The following SLITRK4 variants were observed in gnomAD, a reference collection of about 807,000 sequenced individuals.
SLITRK4 encodes SLIT and NTRK like family member 4.
Under a neutral mutation model 34.7 loss-of-function variants are expected in SLITRK4, and 7 were observed. That is an observed-to-expected ratio of 0.20 (90% CI 0.11 to 0.38). SLITRK4 has a LOEUF of 0.38. Among genes scored for constraint, SLITRK4 ranks in the 10% least tolerant of loss-of-function variants. The pLI, the probability that SLITRK4 is intolerant of heterozygous loss-of-function variation, is 1.00. For missense variants in SLITRK4, 474 were observed against 607.0 expected (o/e 0.78, Z 2.30); for synonymous variants, 237 against 246.2 (o/e 0.96, Z 0.35).
rs1056178713 is a variant in SLITRK4 at position 143,625,561 on chromosome X, A to C, written c.*3034T>G. ...GTGTCAGCCCACATTAGAAATGAGCACTTCTTGGATTTTATAGGTTTGCAT... is the reference window on the plus strand; with the variant it reads ...GTGTCAGCCCACATTAGAAATGAGCCCTTCTTGGATTTTATAGGTTTGCAT... On this transcript the variant is annotated 3_prime_UTR_variant, in exon 2 of 2. Coordinates refer to ENST00000356928, the MANE Select transcript of SLITRK4 (RefSeq NM_001184749.3). The C allele has an allele frequency of 2.7e-5, 3 of 111,469 alleles. No homozygotes were observed. Among genetic ancestry groups the C allele is most frequent in the Non-Finnish European group, 5.7e-5 (3 of 52,829 alleles). The allele number at this position is 111,469 out of a possible 1,213,427, so 9.2% of individuals were successfully genotyped here. A position where few individuals can be genotyped will look rare whatever the true frequency, so the allele number is the denominator to read the frequency against.
In SLITRK4 at chrX:143,630,292, G is replaced by T; in HGVS notation, c.817C>A (p.Arg273Ser). The T allele has an allele frequency of 8.3e-7, 1 of 1,211,800 alleles. No individual in the cohort carries two copies. The highest frequency in any genetic ancestry group is 1.1e-6 in the Non-Finnish European group (1 of 895,507). The change falls in exon 2 of 2, where the codon CGC (arginine) becomes AGC (serine). Residue 273 changes from arginine to serine, a missense_variant. Transcript: ENST00000356928. ...TCCAGCTGAGATGGAGGCAGGATGC[G>T]CACGTCAAAATCACTGCCGGTGCCC... Reference protein sequence around the residue: ...PMGTGSDFDVRILPPSQLENG... With the variant: ...PMGTGSDFDVSILPPSQLENG...
chrX:143,633,799 G>C (rs1556429921), intron 1 of SLITRK4, among the ~76,000 whole-genome samples: 1 of 111,860 alleles, frequency 8.9e-6, no homozygotes, highest in African/African-American at 3.2e-5. Flanking sequence ...CGCTACCTCG[G>C]GCGGGCGGCG....
In SLITRK4 at chrX:143,626,789, A is replaced by G. The variant is rs1024493712; in HGVS notation, c.*1806T>C. ...AGGACACACACTCTCACACATGCAC[A>G]CACACACACTATATATATATGTATA... is the stretch of plus-strand genomic sequence containing the variant. On this transcript the variant is annotated 3_prime_UTR_variant, in exon 2 of 2. Transcript: ENST00000356928. The G allele has an allele frequency of 9.4e-6, 1 of 106,221 alleles. No individual in the cohort carries two copies. Among genetic ancestry groups the G allele is most frequent in the Non-Finnish European group, 1.9e-5 (1 of 51,606 alleles). The allele number at this position is 106,221 out of a possible 1,213,427, so 8.8% of individuals were successfully genotyped here.
At position 143,629,392 on chromosome X, in the gene SLITRK4, A is replaced by G; in HGVS notation, c.1717T>C (p.Ser573Pro). The change falls in exon 2 of 2, where the codon TCC becomes CCC. Residue 573 changes from serine (S) to proline (P), a missense_variant. By Grantham distance (74) the Ser-to-Pro change is moderately conservative. Around this residue, in one of 3 missense-constraint regions of SLITRK4, gnomAD observed 345 missense variants for 406.5 expected, o/e 0.85. Coordinates refer to ENST00000356928, the MANE Select transcript of SLITRK4 (RefSeq NM_001184749.3). ...PVQFANIELK[S>P]LKNEILCPKL... is the part of the protein sequence containing the mutation. ...GGACATAAGATTTCATTTTTGAGGG[A>G]CTTCAGTTCAATGTTGGCAAACTGA... The G allele has an allele frequency of 1.7e-6, 2 of 1,211,385 alleles. No individual in the cohort carries two copies. The highest frequency in any genetic ancestry group is 2.2e-6 in the Non-Finnish European group (2 of 895,451).
chrX:143,632,451 C>T (rs1556429111), intron 1 of SLITRK4, among the ~76,000 whole-genome samples: 1 of 111,796 alleles, frequency 8.9e-6, no homozygotes, highest in Non-Finnish European at 1.9e-5. Context: ...ACTATTTTAG[C>T]AATATTAGTC....
intron 1 of SLITRK4, among the ~76,000 whole-genome samples, chrX:143,633,975 G>A (rs979744831): frequency 8.9e-6 from 1 of 112,667 alleles, no homozygotes; most frequent in Non-Finnish European, 1.9e-5. Flanking sequence ...CTTCAGTCCC[G>A]CCGCTCACAC....
At chrX:143,632,453 A>G (rs782188272) in intron 1 of SLITRK4, among the ~76,000 whole-genome samples, 1 of 112,265 alleles carries the variant, frequency 8.9e-6, no homozygotes, top group African/African-American at 3.2e-5. Context: ...TATTTTAGCA[A>G]TATTAGTCTT....
In SLITRK4 at chrX:143,630,810, C is replaced by T. The variant is rs1556428169; in HGVS notation, c.299G>A (p.Gly100Glu). 1 of 1,211,739 alleles carries T rather than the reference C, an allele frequency of 8.3e-7. No individual in the cohort carries two copies. The highest frequency in any genetic ancestry group is 1.7e-5 in the African/African-American group (1 of 57,799). ...LGNNKLQNIEGGAFLGLSALK... is the reference protein window; with the variant it reads ...LGNNKLQNIEEGAFLGLSALK... ...TGCACTGAGCCCAAGAAAGGCTCCT[C>T]CCTCAATGTTCTGCAGTTTATTATT... Residue 100 changes from glycine to glutamate, a missense_variant, in exon 2 of 2, where the codon GGA (glycine) becomes GAA (glutamate). This residue lies in a region of SLITRK4 where 84 missense variants were observed against 101.3 expected (regional missense o/e 0.83). Transcript: ENST00000356928.
chrX:143,633,141 G>A (rs1214074730), intron 1 of SLITRK4, among the ~76,000 whole-genome samples: 9 of 110,805 alleles, frequency 8.1e-5, no homozygotes, highest in Middle Eastern at 4.3e-3. Context: ...AAAGGCACTA[G>A]TAAGAGCCAG....
intron 1 of SLITRK4, among the ~76,000 whole-genome samples, chrX:143,632,090 C>G (rs1298863553): frequency 9.0e-6 from 1 of 111,698 alleles, no homozygotes; most frequent in Non-Finnish European, 1.9e-5. Context: ...TCCGACTGAT[C>G]CTCGGCTTAA....
At position 143,626,926 on chromosome X, in the gene SLITRK4, A is replaced by G. The variant is rs1569477353; in HGVS notation, c.*1669T>C. The stretch of plus-strand genomic sequence containing the variant: ...TATATCTATATATATCTATATATCT[A>G]TATATATATATGCAGGCAGGCCAAG... On this transcript the variant is annotated 3_prime_UTR_variant, in exon 2 of 2. Coordinates refer to ENST00000356928, the MANE Select transcript of SLITRK4 (RefSeq NM_001184749.3). The G allele has an allele frequency of 9.4e-6, 1 of 106,427 alleles. No homozygotes were observed. The highest frequency in any genetic ancestry group is 1.9e-5 in the Non-Finnish European group (1 of 51,786). The allele number at this position is 106,427 out of a possible 1,213,427, so 8.8% of individuals were successfully genotyped here. A position where few individuals can be genotyped will look rare whatever the true frequency, so the allele number is the denominator to read the frequency against.
rs1930988325 is a variant in SLITRK4, at chrX:143,630,440, G to C, written c.669C>G (p.Pro223=). 8.3e-7 allele frequency: 1 copy of C among 1,211,714 alleles called. No homozygotes were observed. The highest frequency in any genetic ancestry group is 1.7e-5 in the African/African-American group (1 of 57,690). The part of the protein sequence containing the change: ...NPWNCSCDLL[P]LKAWLENMPY... ...GCATGTTCTCCAGCCAAGCTTTTAA[G>C]GGCAATAAATCACAGCTACAGTTCC... Residue 223 remains proline, a synonymous_variant, in exon 2 of 2, where the codon CCC becomes CCG. Coordinates refer to ENST00000356928, the MANE Select transcript of SLITRK4 (RefSeq NM_001184749.3).
chrX:143,631,064 C>T lies in SLITRK4; in HGVS notation c.45G>A (p.Ser15=), dbSNP rs782432373. Residue 15 remains serine (S), a synonymous_variant, in exon 2 of 2, where the codon TCG becomes TCA. Coordinates refer to ENST00000356928, the MANE Select transcript of SLITRK4 (RefSeq NM_001184749.3). ...CCGATATGTCAGAATCTGCATTTGT[C>T]GAAGAAATCAGGGCTGACAAAATCA... ...LFLILSALIS[S]TNADSDISVE... is the part of the protein sequence containing the mutation. The T allele has an allele frequency of 1.9e-5, 23 of 1,190,372 alleles. No homozygotes were observed. Among genetic ancestry groups the T allele is most frequent in the South Asian group, 1.5e-4 (8 of 52,042 alleles).
Position 143,624,455 on chromosome X carries a change from A to C in SLITRK4, c.*4140T>G, listed in dbSNP as rs1358706909. On this transcript the variant is annotated 3_prime_UTR_variant, in exon 2 of 2. Transcript: ENST00000356928. The stretch of plus-strand genomic sequence containing the variant: ...GATTCAAAAGAATGGGCAAGAATCA[A>C]AGCATGTTGATCTTGGCACTGTCAG... 1 of 111,872 alleles carries C rather than the reference A, an allele frequency of 8.9e-6. No homozygotes were observed. Among genetic ancestry groups the C allele is most frequent in the Non-Finnish European group, 1.9e-5 (1 of 52,919 alleles). The allele number at this position is 111,872 out of a possible 1,213,427, so 9.2% of individuals were successfully genotyped here.
Position 143,629,861 on chromosome X carries a change from A to T in SLITRK4, c.1248T>A (p.Ile416=), listed in dbSNP as rs781839773. 8.3e-7 allele frequency: 1 copy of T among 1,211,116 alleles called. No individual in the cohort carries two copies. Among genetic ancestry groups the T allele is most frequent in the South Asian group, 1.8e-5 (1 of 56,857 alleles). Residue 416 remains isoleucine, a synonymous_variant, in exon 2 of 2, where the codon ATT becomes ATA. Transcript: ENST00000356928. The part of the protein sequence containing the change: ...LHLGSNQITV[I]KGDVFHNLTN... ...TGAGATTGTGAAATACGTCTCCCTT[A>T]ATCACTGTAATTTGATTGCTGCCTA...
intron 1 of SLITRK4, among the ~76,000 whole-genome samples, chrX:143,633,852 C>G (rs1327779038): frequency 1.8e-5 from 2 of 112,617 alleles, no homozygotes; most frequent in South Asian, 3.6e-4. Context: ...AATGTTTTGC[C>G]GCATCCCTGT....
intron 1 of SLITRK4, among the ~76,000 whole-genome samples, chrX:143,632,753 G>A (rs1417913302): frequency 6.3e-5 from 7 of 111,791 alleles, no homozygotes; most frequent in Admixed American, 1.9e-4. Flanking sequence ...CCATATAGAC[G>A]TGCATTTCCC....
intron 1 of SLITRK4, among the ~76,000 whole-genome samples, chrX:143,633,644 A>AG (rs1931122765): frequency 9.0e-6 from 1 of 111,221 alleles, no homozygotes. Flanking sequence ...AAGCGGCCTG[A>AG]GGGGGGCAGA....
At chrX:143,632,362 A>G (rs1259272760) in intron 1 of SLITRK4, among the ~76,000 whole-genome samples, 2 of 111,660 alleles carry the variant, frequency 1.8e-5, no homozygotes, top group African/African-American at 6.5e-5. Context: ...CAGGTCCTTA[A>G]ATACTGCATA....
Sources: gnomAD v4.1 joint callset for allele counts (sites outside exome capture counted in the v4.1 genomes callset) on GRCh38, gnomAD v4.1.1 for gene constraint, gnomAD v4.1.1 regional missense constraint, MANE v1.5 for transcripts, NCBI Gene and HGNC (gene_info 2026-07-23, HGNC 2026-07-21) for gene names.